Variants in PIWIL3 observed in about 807,000 individuals in gnomAD.
PIWIL3 encodes the protein piwi like RNA-mediated gene silencing 3.
In PIWIL3, 101 loss-of-function variants were observed where a neutral mutation model predicts 109.7. The ratio of observed to expected loss-of-function variants is 0.92; its 90% CI spans 0.78 to 1.09. The LOEUF (loss-of-function observed/expected upper bound fraction) is 1.09. Ranked by LOEUF, PIWIL3 falls within the 50% of genes least tolerant of loss-of-function variation. PIWIL3 has a pLI of 0.00. For synonymous variants in PIWIL3, 373 were observed against 376.4 expected (o/e 0.99, Z 0.10); for missense variants, 1,031 against 1,072.6 (o/e 0.96, Z 0.54).
intron 5 of PIWIL3, 34 bp downstream of exon 5, chr22:24,756,457 G>A: frequency 6.3e-7 from 1 of 1,575,762 alleles, no homozygotes; most frequent in South Asian, 1.1e-5. Flanking sequence ...ACAAGAGAAA[G>A]AACACAGGAA....
intron 13 of PIWIL3, among the ~76,000 whole-genome samples, chr22:24,734,528 G>C (rs773950315): frequency 2.6e-5 from 4 of 152,164 alleles, no homozygotes; most frequent in Non-Finnish European, 4.4e-5. Context: ...ACTTCCCAGG[G>C]AAACAGTTCC....
At chr22:24,757,098 A>AAAAAAAG (rs1555912998) in intron 4 of PIWIL3, among the ~76,000 whole-genome samples, 107 of 146,478 alleles carry the variant, frequency 7.3e-4, no homozygotes, top group African/African-American at 2.6e-3. Flanking sequence ...AAAAAAAAAA[A>AAAAAAAG]AAAAGAAAAG....
At chr22:24,763,223 C>T (rs764496389) in intron 1 of PIWIL3, among the ~76,000 whole-genome samples, 88 of 151,694 alleles carry the variant, frequency 5.8e-4, no homozygotes, top group Non-Finnish European at 1.0e-3. Context: ...CAGCTCACTG[C>T]AACCTCTGCC....
Position 24,758,059 on chromosome 22 carries a change from A to G in PIWIL3, c.224-20T>C. 1 of 1,595,484 alleles carries G rather than the reference A, an allele frequency of 6.3e-7. No homozygotes were observed. Among genetic ancestry groups the G allele is most frequent in the Non-Finnish European group, 8.5e-7 (1 of 1,174,718 alleles). ...TCACCCCTGCATAAATGTAAACGCCAGAAGTTTAAACAATAAAAAGGGAAG... is the reference window on the plus strand; with the variant it reads ...TCACCCCTGCATAAATGTAAACGCCGGAAGTTTAAACAATAAAAAGGGAAG... On this transcript the variant is annotated intron_variant, in intron 3 of 20. Transcript: ENST00000616349.
chr22:24,751,347 T>C, intron 9 of PIWIL3, 40 bp downstream of exon 9: 1 of 1,537,934 alleles, frequency 6.5e-7, no homozygotes, highest in Non-Finnish European at 8.8e-7. Context: ...TACATGAAGG[T>C]TTACAATTTA....
intron 11 of PIWIL3, 136 bp downstream of exon 11, chr22:24,749,268 T>C (rs187790336): frequency 1.6e-4 from 219 of 1,363,950 alleles, no homozygotes; most frequent in Non-Finnish European, 1.9e-4. Flanking sequence ...AAAACTAGAG[T>C]TGTCCCCCAA....
chr22:24,762,458 G>C lies in PIWIL3; in HGVS notation c.42C>G (p.Arg14=), dbSNP rs1925494603. ...CCTCTTGTTGGTAGCTCTCCCTGCG[G>C]CGGGCTCTGCCTCGGGCGCGAGTCC... is the stretch of plus-strand genomic sequence containing the variant. The part of the protein sequence containing the change: ...RARTRARGRA[R]RRESYQQEAP... The change falls in exon 2 of 21, where the codon CGC becomes CGG. Residue 14 remains arginine, a synonymous_variant. Transcript: ENST00000616349. The C allele has an allele frequency of 1.2e-6, 2 of 1,613,852 alleles. No individual in the cohort carries two copies. The highest frequency in any genetic ancestry group is 2.7e-5 in the African/African-American group (2 of 74,952).
At chr22:24,720,290 T>TTTTTAAA (rs1491484822) in intron 19 of PIWIL3, among the ~76,000 whole-genome samples, 1 of 124,854 alleles carries the variant, frequency 8.0e-6, no homozygotes, top group African/African-American at 2.9e-5. Flanking sequence ...TTTTTTTTTT[T>TTTTTAAA]AGACGGAGTC....
chr22:24,744,277 A>G (rs547279027), intron 12 of PIWIL3, among the ~76,000 whole-genome samples: 1 of 151,968 alleles, frequency 6.6e-6, no homozygotes, highest in East Asian at 1.9e-4. Context: ...AAAGGCATGA[A>G]AAAACACAAA....
intron 1 of PIWIL3, among the ~76,000 whole-genome samples, chr22:24,763,579 C>T (rs1356557280): frequency 6.6e-6 from 1 of 152,106 alleles, no homozygotes; most frequent in African/African-American, 2.4e-5. Flanking sequence ...CGATTACGGG[C>T]GTGAACCACC....
In PIWIL3 at chr22:24,761,164, G is replaced by T. The variant is rs1377549345; in HGVS notation, c.103-1175C>A. Among the ~76,000 whole-genome samples, 3 of 151,966 alleles carry T rather than the reference G, an allele frequency of 2.0e-5. No individual in the cohort carries two copies. In the East Asian group the frequency reaches 5.8e-4, roughly 29 times the overall value. On this transcript the variant is annotated intron_variant, in intron 2 of 20. Coordinates refer to ENST00000616349, the MANE Select transcript of PIWIL3 (RefSeq NM_001255975.1). Reference sequence around the variant, plus strand: ...TGTTAGGTGGTGCAGGAGAGGTTCTGGCCAACGAGATAAATATGGGGACCT... The same window carrying T: ...TGTTAGGTGGTGCAGGAGAGGTTCTTGCCAACGAGATAAATATGGGGACCT...
At chr22:24,756,351 A>G in intron 5 of PIWIL3, 140 bp downstream of exon 5, 1 of 742,246 alleles carries the variant, frequency 1.3e-6, no homozygotes, top group Non-Finnish European at 2.2e-6. Context: ...CATGGCACAT[A>G]GGTTTCACAA....
At chr22:24,757,657 A>G (rs1196293738) in intron 4 of PIWIL3, among the ~76,000 whole-genome samples, 1 of 108,536 alleles carries the variant, frequency 9.2e-6, no homozygotes, top group Non-Finnish European at 1.9e-5. Context: ...ATATGTATAT[A>G]TTACACACAC....
At chr22:24,737,657 C>T (rs533456698) in intron 12 of PIWIL3, among the ~76,000 whole-genome samples, 4 of 152,194 alleles carry the variant, frequency 2.6e-5, no homozygotes, top group Non-Finnish European at 5.9e-5. Context: ...GTCCCCAATC[C>T]CAGGCCTTGG....
At chr22:24,760,053 G>A (rs1411507427) in intron 2 of PIWIL3, 64 bp from the exon 3 acceptor site, 34 of 1,594,504 alleles carry the variant, frequency 2.1e-5, no homozygotes, top group Middle Eastern at 1.7e-4. Flanking sequence ...CCCTCCAAAT[G>A]GCACTCGCAG....
intron 17 of PIWIL3, 110 bp downstream of exon 17, chr22:24,725,335 C>T: frequency 7.3e-7 from 1 of 1,379,118 alleles, no homozygotes. Flanking sequence ...AGTTGTGACA[C>T]CAAAAACTAA....
intron 1 of PIWIL3, among the ~76,000 whole-genome samples, chr22:24,772,656 G>A (rs928104845): frequency 1.3e-5 from 2 of 152,144 alleles, no homozygotes; most frequent in African/African-American, 4.8e-5. Flanking sequence ...TGGGAAATCC[G>A]AACGGCTGAC....
In PIWIL3 at chr22:24,759,975, A is replaced by G; in HGVS notation, c.117T>C (p.Pro39=). Residue 39 remains proline (P), a synonymous_variant, in exon 3 of 21, where the codon CCT becomes CCC. Transcript: ENST00000616349. ...APGSATTQEP[P]QLQSTPRPLQ... is the part of the protein sequence containing the mutation. Reference sequence around the variant, plus strand: ...GCGGCCGGGGTGTCGACTGCAACTGAGGGGGCTCCTGGGTCTGCATGTTTT... The same window carrying G: ...GCGGCCGGGGTGTCGACTGCAACTGGGGGGGCTCCTGGGTCTGCATGTTTT... The G allele has an allele frequency of 1.2e-6, 2 of 1,613,958 alleles. No homozygotes were observed. Among genetic ancestry groups the G allele is most frequent in the Non-Finnish European group, 1.7e-6 (2 of 1,179,998 alleles).
At chr22:24,741,448 G>A (rs1161933272) in intron 12 of PIWIL3, among the ~76,000 whole-genome samples, 1 of 152,132 alleles carries the variant, frequency 6.6e-6, no homozygotes, top group African/African-American at 2.4e-5. Flanking sequence ...AGGTTGTAGT[G>A]AACCAAGGTT....
Sources: allele counts gnomAD v4.1 joint callset (sites outside exome capture counted in the v4.1 genomes callset), GRCh38; gene constraint gnomAD v4.1.1; transcripts MANE v1.5; gene names NCBI Gene and HGNC (gene_info 2026-07-23, HGNC 2026-07-21).